NCALD: variants seen among roughly 807,000 people sequenced by gnomAD.
The protein encoded by NCALD is neurocalcin delta.
Under a neutral mutation model 18.6 loss-of-function variants are expected in NCALD, and 10 were observed. The observed-to-expected ratio is 0.54, with a 90% CI of 0.33 to 0.91. The LOEUF (loss-of-function observed/expected upper bound fraction) is 0.91. Ranked by LOEUF, NCALD falls within the 40% of genes least tolerant of loss-of-function variation. The probability of loss-of-function intolerance (pLI) is 0.03; values close to 1 mark genes in which losing one functional copy is unlikely to be tolerated. For synonymous variants in NCALD, 88 were observed against 87.4 expected (o/e 1.01, Z -0.04); for missense variants, 184 against 247.6 (o/e 0.74, Z 1.72).
At chr8:101,724,521 G>A (rs1445425039) in intron 1 of NCALD, among the ~76,000 whole-genome samples, 1 of 152,222 alleles carries the variant, frequency 6.6e-6, no homozygotes, top group Non-Finnish European at 1.5e-5. Context: ...TGTAAAATGA[G>A]TTTAATGATA....
intron 3 of NCALD, among the ~76,000 whole-genome samples, chr8:101,905,109 G>A (rs1817566220): frequency 6.6e-6 from 1 of 152,166 alleles, no homozygotes; most frequent in South Asian, 2.1e-4. Context: ...TGTTAACTGA[G>A]CTTCCTATTT....
At chr8:101,999,684 C>T (rs929137905) in intron 2 of NCALD, among the ~76,000 whole-genome samples, 1 of 151,442 alleles carries the variant, frequency 6.6e-6, no homozygotes, top group Non-Finnish European at 1.5e-5. Context: ...AAAATAAAAG[C>T]AGCTATATGT....
At chr8:102,046,511 A>AT (rs1190779476) in intron 1 of NCALD, among the ~76,000 whole-genome samples, 3 of 151,920 alleles carry the variant, frequency 2.0e-5, no homozygotes, top group Non-Finnish European at 4.4e-5. Flanking sequence ...TTTTATTTTT[A>AT]TTTTATTTTT....
At chr8:101,991,573 C>A (rs968116633) in intron 2 of NCALD, among the ~76,000 whole-genome samples, 2 of 152,068 alleles carry the variant, frequency 1.3e-5, no homozygotes, top group Non-Finnish European at 1.5e-5. Flanking sequence ...TCCTCCCAGG[C>A]AAGTAAAAGG....
At position 102,070,746 on chromosome 8, in the gene NCALD, C is replaced by T. The variant is rs549667418; in HGVS notation, c.-209-50457G>A. ...TCAATGTCCAATCACTTATTTTCCTCCTACCTTGGGAGTTATCTTAGCTCA... is the reference window on the plus strand; with the variant it reads ...TCAATGTCCAATCACTTATTTTCCTTCTACCTTGGGAGTTATCTTAGCTCA... On this transcript the variant is annotated intron_variant, in intron 1 of 6. Transcript: ENST00000311028. 2.0e-5 allele frequency among the ~76,000 whole-genome samples: 3 copies of T among 152,260 alleles called. No homozygotes were observed. The South Asian group carries it at 6.2e-4, about 32-fold the overall frequency.
chr8:101,689,248 T>C lies in NCALD; in HGVS notation c.*61A>G. 1 of 1,521,246 alleles carries C rather than the reference T, an allele frequency of 6.6e-7. No individual in the cohort carries two copies. The highest frequency in any genetic ancestry group is 8.9e-7 in the Non-Finnish European group (1 of 1,120,444). The allele number at this position is 1,521,246 out of a possible 1,614,324, so 94.2% of individuals were successfully genotyped here. ...TTTGGCAAAAAAAAAAAAAAATTGTTAAAAAGAAGAATCAAAAGGGAACAC... is the reference window on the plus strand; with the variant it reads ...TTTGGCAAAAAAAAAAAAAAATTGTCAAAAAGAAGAATCAAAAGGGAACAC... On this transcript the variant is annotated 3_prime_UTR_variant, in exon 4 of 4. Transcript: ENST00000220931. This position sits in a 1 kb window ranked among gnomAD's most constrained non-coding sequence, Gnocchi z 4.4.
intron 2 of NCALD, among the ~76,000 whole-genome samples, chr8:101,931,807 C>T (rs1425313574): frequency 6.6e-6 from 1 of 152,096 alleles, no homozygotes. Context: ...ACAAAGCAGT[C>T]CTAAAAAGGA....
At chr8:101,912,011 T>C (rs902885559) in intron 3 of NCALD, among the ~76,000 whole-genome samples, 1 of 152,164 alleles carries the variant, frequency 6.6e-6, no homozygotes, top group Non-Finnish European at 1.5e-5. Context: ...TCAGGAAAAA[T>C]ATACATTTTT....
At chr8:101,941,738 G>A (rs563984936) in intron 2 of NCALD, among the ~76,000 whole-genome samples, 3 of 152,230 alleles carry the variant, frequency 2.0e-5, no homozygotes, top group African/African-American at 7.2e-5. Flanking sequence ...CTGACATGGG[G>A]TATTAACTAA....
rs184556055 is a variant in NCALD, at chr8:101,965,409, A to G, written c.-156-49551T>C. Among the ~76,000 whole-genome samples, 811 of 152,348 alleles carry G rather than the reference A, an allele frequency of 5.3e-3. 5 individuals are homozygous for G. Among genetic ancestry groups the G allele is most frequent in the African/African-American group, 0.018 (761 of 41,580 alleles). ...ACTGGATAAAGAAAATGTGGCACAT[A>G]TATACCATGGAATACTATGCAGCCA... On this transcript the variant is annotated intron_variant, in intron 2 of 6. Transcript: ENST00000311028.
At chr8:102,017,628 G>A (rs1360917712) in intron 2 of NCALD, among the ~76,000 whole-genome samples, 2 of 152,198 alleles carry the variant, frequency 1.3e-5, no homozygotes, top group Non-Finnish European at 2.9e-5. Context: ...CTGGGAGGCG[G>A]AGGTTGCAGT....
intron 1 of NCALD, among the ~76,000 whole-genome samples, chr8:102,072,870 AT>A (rs1824222574): frequency 6.6e-6 from 1 of 152,172 alleles, no homozygotes; most frequent in African/African-American, 2.4e-5. Flanking sequence ...ACTCTCACAC[AT>A]TTTTTTCATA....
At chr8:102,119,855 A>C (rs1390677843) in intron 1 of NCALD, among the ~76,000 whole-genome samples, 1 of 152,244 alleles carries the variant, frequency 6.6e-6, no homozygotes, top group African/African-American at 2.4e-5. Context: ...CAGAATGCTG[A>C]GCATGTAGAA....
intron 1 of NCALD, among the ~76,000 whole-genome samples, chr8:102,062,207 A>C (rs1475015022): frequency 6.6e-6 from 1 of 152,210 alleles, no homozygotes; most frequent in Non-Finnish European, 1.5e-5. Flanking sequence ...AGAGGCTGAG[A>C]GGAGAAGATC....
At chr8:101,954,714 G>A (rs1175799389) in intron 2 of NCALD, among the ~76,000 whole-genome samples, 2 of 152,162 alleles carry the variant, frequency 1.3e-5, no homozygotes, top group African/African-American at 2.4e-5. Flanking sequence ...GTTAGCACTC[G>A]AGACAAAACT....
intron 2 of NCALD, among the ~76,000 whole-genome samples, chr8:101,930,951 T>C (rs943169370): frequency 7.9e-5 from 12 of 152,192 alleles, no homozygotes; most frequent in African/African-American, 2.2e-4. Context: ...GCAAGGCTTA[T>C]ACAATTCCTT....
At position 101,914,781 on chromosome 8, in the gene NCALD, T is replaced by G. The variant is rs530520560; in HGVS notation, c.-107+1028A>C. Among the ~76,000 whole-genome samples, 53 of 152,328 alleles carry G rather than the reference T, an allele frequency of 3.5e-4. 1 individual carries two copies. The highest frequency in any genetic ancestry group is 1.3e-3 in the African/African-American group (52 of 41,566). On this transcript the variant is annotated intron_variant, in intron 3 of 6. Transcript: ENST00000311028. Reference sequence around the variant, plus strand: ...TTTTTATTTTTTGCACTTCTTTACTTTATAGCACTACAAGATGCTCCAGGC... The same window carrying G: ...TTTTTATTTTTTGCACTTCTTTACTGTATAGCACTACAAGATGCTCCAGGC...
intron 1 of NCALD, among the ~76,000 whole-genome samples, chr8:102,094,808 A>C (rs565698396): frequency 1.3e-5 from 2 of 152,360 alleles, no homozygotes; most frequent in Non-Finnish European, 1.5e-5. Flanking sequence ...TACAGAGATA[A>C]GAATGTCATA....
At chr8:101,979,510 T>A (rs1820540146) in intron 2 of NCALD, among the ~76,000 whole-genome samples, 1 of 152,184 alleles carries the variant, frequency 6.6e-6, no homozygotes, top group South Asian at 2.1e-4. Context: ...TCTTGGAGCT[T>A]ACAGCAAATC....
Sources: gnomAD v4.1 joint callset for allele counts (sites outside exome capture counted in the v4.1 genomes callset) on GRCh38, gnomAD v4.1.1 for gene constraint, Gnocchi (gnomAD v3.1) non-coding constraint, MANE v1.5 for transcripts, NCBI Gene and HGNC (gene_info 2026-07-23, HGNC 2026-07-21) for gene names.